Variants in EHMT1 observed in about 807,000 individuals in gnomAD.
The protein encoded by EHMT1 is euchromatic histone lysine methyltransferase 1.
In EHMT1, 15 loss-of-function variants were observed where a neutral mutation model predicts 147.2. The observed-to-expected ratio is 0.10, with a 90% CI of 0.07 to 0.16. The LOEUF is 0.16. EHMT1 is among the 10% of genes least tolerant of loss of function. EHMT1 has a pLI of 1.00. For missense variants in EHMT1, 1,587 were observed against 1,772.4 expected, an observed-to-expected ratio of 0.90 and a Z score of 1.88; for synonymous variants, 795 against 709.6, an observed-to-expected ratio of 1.12 and a Z score of -1.91.
intron 1 of EHMT1, among the ~76,000 whole-genome samples, chr9:137,658,778 A>C (rs1479711118): frequency 6.6e-6 from 1 of 151,884 alleles, no homozygotes; most frequent in Non-Finnish European, 1.5e-5. Flanking sequence ...ATACCTGGCT[A>C]TTTTTAAAAA....
chr9:137,686,423 T>C (rs1039845453), intron 1 of EHMT1, among the ~76,000 whole-genome samples: 1 of 152,180 alleles, frequency 6.6e-6, no homozygotes, highest in Non-Finnish European at 1.5e-5. Flanking sequence ...AGGGTCTCGC[T>C]CAGTCACCTA....
Position 137,831,254 on chromosome 9 carries a change from C to G in EHMT1, c.3541-3095C>G, listed in dbSNP as rs112535194. Among the ~76,000 whole-genome samples the G allele has an allele frequency of 3.3e-3, 503 of 152,268 alleles. 1 individual carries two copies. In the Middle Eastern group the frequency reaches 0.037, roughly 11 times the overall value. ...TCAGCAGAAATCGAGAAAAAATACT[C>G]AAGTAGATTTCTTATTCCTTCTCTT... is the stretch of plus-strand genomic sequence containing the variant. On this transcript the variant is annotated intron_variant, in intron 25 of 26. Coordinates refer to ENST00000460843, the MANE Select transcript of EHMT1 (RefSeq NM_024757.5).
intron 26 of EHMT1, 119 bp downstream of exon 26, chr9:137,834,643 TA>T: frequency 6.3e-7 from 1 of 1,594,042 alleles, no homozygotes; most frequent in Non-Finnish European, 8.6e-7. Flanking sequence ...CCTGTAGTTC[TA>T]AAAACTGCGA....
At chr9:137,768,020 G>T (rs1001951276) in intron 10 of EHMT1, among the ~76,000 whole-genome samples, 5 of 152,126 alleles carry the variant, frequency 3.3e-5, no homozygotes, top group Non-Finnish European at 5.9e-5. Context: ...GCTGCCTACA[G>T]TATTCAGTAC....
At chr9:137,794,211 T>C (rs2137181206) in intron 16 of EHMT1, among the ~76,000 whole-genome samples, 1 of 152,364 alleles carries the variant, frequency 6.6e-6, no homozygotes, top group East Asian at 1.9e-4. Context: ...TTACCATTTT[T>C]AGTCAAATTT....
At chr9:137,814,876 G>A (rs1009718994) in intron 22 of EHMT1, 4 of 414,844 alleles carry the variant, frequency 9.6e-6, no homozygotes, top group Non-Finnish European at 1.8e-5. Context: ...GAGGGAGGGT[G>A]CTGCCGGGCT....
intron 1 of EHMT1, among the ~76,000 whole-genome samples, chr9:137,651,978 C>T (rs1409384203): frequency 6.6e-6 from 1 of 152,106 alleles, no homozygotes; most frequent in Non-Finnish European, 1.5e-5. Flanking sequence ...ATAATAAACT[C>T]CTATGTTACT....
At chr9:137,803,071 G>A in intron 18 of EHMT1, 1 of 1,230,308 alleles carries the variant, frequency 8.1e-7, no homozygotes, top group Non-Finnish European at 1.0e-6. Context: ...GCCCTAGTGT[G>A]GCTGGTCGGC....
At chr9:137,745,775 T>C in intron 6 of EHMT1, 1 of 379,280 alleles carries the variant, frequency 2.6e-6, no homozygotes, top group Non-Finnish European at 4.7e-6. Context: ...ATAAGTGCTG[T>C]CTGCATTTAC....
chr9:137,705,346 C>G (rs896213264), intron 1 of EHMT1, among the ~76,000 whole-genome samples: 1 of 152,118 alleles, frequency 6.6e-6, no homozygotes, highest in Admixed American at 6.5e-5. Context: ...CCTGAGTGTT[C>G]TTGAGTTTGG....
chr9:137,686,001 C>T (rs1019349788), intron 1 of EHMT1, among the ~76,000 whole-genome samples: 1 of 152,182 alleles, frequency 6.6e-6, no homozygotes, highest in Admixed American at 6.5e-5. Flanking sequence ...TGGTCTCCAG[C>T]CCCTGGACTC....
At chr9:137,662,804 ATTT>A (rs1939226548) in intron 1 of EHMT1, among the ~76,000 whole-genome samples, 1 of 86,386 alleles carries the variant, frequency 1.2e-5, no homozygotes, top group Non-Finnish European at 2.2e-5. Flanking sequence ...TTATTTATTT[ATTT>A]ATTTTTGACA....
intron 1 of EHMT1, chr9:137,667,349 C>G (rs1390253816): frequency 6.6e-6 from 1 of 152,212 alleles, no homozygotes; most frequent in Non-Finnish European, 1.5e-5. Flanking sequence ...GTTCTCATCT[C>G]TTTGGAGTTG....
At chr9:137,806,235 G>A (rs555133856) in intron 18 of EHMT1, among the ~76,000 whole-genome samples, 52 of 151,962 alleles carry the variant, frequency 3.4e-4, no homozygotes, top group Middle Eastern at 6.8e-3. Context: ...TGCTGGGATT[G>A]CAGAAATGAG....
chr9:137,629,791 A>G (rs964657904), intron 1 of EHMT1, among the ~76,000 whole-genome samples: 1 of 152,138 alleles, frequency 6.6e-6, no homozygotes, highest in Non-Finnish European at 1.5e-5. Context: ...CGGCCTCCCA[A>G]AGTGCTGGGA....
rs1248176994 is a variant in EHMT1, at chr9:137,762,794, A to G, written c.1621A>G (p.Met541Val). 1 of 1,614,144 alleles carries G rather than the reference A, an allele frequency of 6.2e-7. No individual in the cohort carries two copies. The highest frequency in any genetic ancestry group is 1.3e-5 in the African/African-American group (1 of 74,942). ...CACCACACTGGCCAACAACCAGTGC[A>G]TGGCTACAGAGAGCGTGGACCATGA... Reference protein sequence around the residue: ...EITTLANNQCMATESVDHELG... With the variant: ...EITTLANNQCVATESVDHELG... The change falls in exon 10 of 27, where the codon ATG (methionine) becomes GTG (valine). Residue 541 changes from methionine to valine, a missense_variant. Physicochemically the swap from Met to Val is conservative, Grantham distance 21. This residue lies in a region of EHMT1 where 124 missense variants were observed against 197.8 expected (regional missense o/e 0.63). Coordinates refer to ENST00000460843, the MANE Select transcript of EHMT1 (RefSeq NM_024757.5).
chr9:137,792,922 C>T (rs1018691480), intron 16 of EHMT1, among the ~76,000 whole-genome samples: 6 of 152,176 alleles, frequency 3.9e-5, no homozygotes, highest in Non-Finnish European at 7.3e-5. Flanking sequence ...AAGACAGCCA[C>T]CCCCTTGCCT....
chr9:137,635,833 A>G (rs1305532939), intron 1 of EHMT1, among the ~76,000 whole-genome samples: 3 of 151,720 alleles, frequency 2.0e-5, no homozygotes, highest in Non-Finnish European at 4.4e-5. Flanking sequence ...ACAAAACAAA[A>G]CAAAAAACAA....
At chr9:137,743,675 G>A (rs1232807604) in intron 5 of EHMT1, 147 bp downstream of exon 5, 40 of 1,303,472 alleles carry the variant, frequency 3.1e-5, no homozygotes, top group Admixed American at 2.3e-4. Context: ...CAGAGTGTTC[G>A]TGTCCAAGAT....
Sources: allele counts gnomAD v4.1 joint callset (sites outside exome capture counted in the v4.1 genomes callset), GRCh38; gene constraint gnomAD v4.1.1; regional missense constraint gnomAD v4.1.1; transcripts MANE v1.5; gene names NCBI Gene and HGNC (gene_info 2026-07-23, HGNC 2026-07-21).